Variants in RBM26 observed in about 807,000 individuals in gnomAD.
RBM26 encodes RNA binding motif protein 26, also known as RNA-binding protein 26.
A neutral mutation model predicts 123.6 loss-of-function variants in RBM26; 30 were observed. The observed-to-expected ratio is 0.24, with a 90% CI of 0.18 to 0.33. The LOEUF (loss-of-function observed/expected upper bound fraction) is 0.33. Among genes scored for constraint, RBM26 ranks in the 10% least tolerant of loss-of-function variants. The pLI is 1.00. For synonymous variants in RBM26, 400 were observed against 404.4 expected (o/e 0.99, Z 0.13); for missense variants, 947 against 1,203.6 (o/e 0.79, Z 3.15).
chr13:79,358,119 GTGA>G (rs2074251889), intron 11 of RBM26, among the ~76,000 whole-genome samples, 152 bp downstream of exon 11: 1 of 152,160 alleles, frequency 6.6e-6, no homozygotes, highest in Non-Finnish European at 1.5e-5. Flanking sequence ...CTCACCTCAG[GTGA>G]TCCGCCCGCC....
intron 20 of RBM26, among the ~76,000 whole-genome samples, chr13:79,325,178 G>A (rs190536204): frequency 7.9e-5 from 12 of 152,164 alleles, no homozygotes; most frequent in Admixed American, 7.9e-4. Flanking sequence ...GAATATGGTG[G>A]CAAACGACTG....
chr13:79,362,805 T>A (rs2074854617), intron 9 of RBM26, among the ~76,000 whole-genome samples: 1 of 152,210 alleles, frequency 6.6e-6, no homozygotes, highest in African/African-American at 2.4e-5. Context: ...TTGCTCCATC[T>A]CATCTGTATT....
Position 79,342,421 on chromosome 13 carries a change from C to T in RBM26, c.2427+243G>A, listed in dbSNP as rs975520359. Among the ~76,000 whole-genome samples the T allele has an allele frequency of 5.5e-4, 84 of 151,760 alleles. 1 individual carries two copies. The highest frequency in any genetic ancestry group is 5.4e-3 in the Admixed American group (82 of 15,236). On this transcript the variant is annotated intron_variant, in intron 17 of 21. Transcript: ENST00000438737. ...GTACCTATATCACTTTGTCCTCAAGCGGCCTTTTCAAGGTTACCCATGACT... is the reference window on the plus strand; with the variant it reads ...GTACCTATATCACTTTGTCCTCAAGTGGCCTTTTCAAGGTTACCCATGACT...
intron 18 of RBM26, among the ~76,000 whole-genome samples, chr13:79,339,848 T>C (rs1299472904): frequency 3.3e-5 from 5 of 152,134 alleles, no homozygotes; most frequent in Non-Finnish European, 7.4e-5. Flanking sequence ...TAACAACTAA[T>C]GGAATGACTG....
intron 16 of RBM26, among the ~76,000 whole-genome samples, chr13:79,343,066 T>C (rs567171248): frequency 1.3e-5 from 2 of 151,898 alleles, no homozygotes; most frequent in Admixed American, 6.6e-5. Flanking sequence ...TGTTACTATT[T>C]GGGTCTCTCA....
intron 20 of RBM26, among the ~76,000 whole-genome samples, chr13:79,326,696 C>A (rs9318622): frequency 0.02 from 2,986 of 152,180 alleles, 77 homozygotes; most frequent in African/African-American, 0.067. Context: ...TTTTAAAAAA[C>A]ATATTTCCAA....
At chr13:79,338,402 T>C (rs1390244900) in intron 18 of RBM26, among the ~76,000 whole-genome samples, 4 of 152,158 alleles carry the variant, frequency 2.6e-5, no homozygotes, top group East Asian at 1.9e-4. Context: ...AGCTGGTGGA[T>C]TGTATTTAAT....
intron 21 of RBM26, 136 bp from the exon 22 acceptor site, chr13:79,320,846 A>C (rs1026169405): frequency 6.7e-6 from 7 of 1,047,822 alleles, no homozygotes; most frequent in Non-Finnish European, 9.0e-6. Flanking sequence ...AACATTCACA[A>C]AACAAAGAAA....
intron 1 of RBM26, among the ~76,000 whole-genome samples, chr13:79,386,303 G>A (rs2077472483): frequency 6.6e-6 from 1 of 151,500 alleles, no homozygotes. Context: ...CAGATACATA[G>A]TTGGAAAAAC....
At chr13:79,339,020 G>C (rs1400770382) in intron 18 of RBM26, among the ~76,000 whole-genome samples, 1 of 152,156 alleles carries the variant, frequency 6.6e-6, no homozygotes, top group Non-Finnish European at 1.5e-5. Context: ...TACCCAAATG[G>C]AAGTGTGAAG....
rs192219607 is a variant in RBM26 at position 79,377,323 on chromosome 13, T to C, written c.327+56A>G. 36 of 1,477,948 alleles carry C rather than the reference T, an allele frequency of 2.4e-5. No homozygotes were observed. The Admixed American group carries it at 6.2e-4, about 25-fold the overall frequency. The allele number at this position is 1,477,948 out of a possible 1,614,324, so 91.6% of individuals were successfully genotyped here. On this transcript the variant is annotated intron_variant, in intron 3 of 21. Transcript: ENST00000438737. ...AGATATAGAAGATAAAAACTCAGTTTGGTTATTCCTCTTATGTGTTTAAAT... is the reference window on the plus strand; with the variant it reads ...AGATATAGAAGATAAAAACTCAGTTCGGTTATTCCTCTTATGTGTTTAAAT...
At chr13:79,363,365 A>T (rs981617725) in intron 9 of RBM26, among the ~76,000 whole-genome samples, 3 of 152,166 alleles carry the variant, frequency 2.0e-5, no homozygotes, top group African/African-American at 7.2e-5. Context: ...TTAAAATCCA[A>T]ACTGGGAATA....
At chr13:79,357,644 T>C (rs1414467002) in intron 11 of RBM26, among the ~76,000 whole-genome samples, 15 of 152,132 alleles carry the variant, frequency 9.9e-5, no homozygotes, top group Admixed American at 4.6e-4. Context: ...CATCCCACCA[T>C]AGGAGTGACA....
chr13:79,387,916 C>T (rs2077625403), intron 1 of RBM26, among the ~76,000 whole-genome samples: 1 of 152,168 alleles, frequency 6.6e-6, no homozygotes, highest in African/African-American at 2.4e-5. Context: ...TACATAGCAA[C>T]TACTGGTATG....
chr13:79,379,371 CA>C (rs1160901778), intron 1 of RBM26, among the ~76,000 whole-genome samples: 7,055 of 79,346 alleles, frequency 0.089, 238 homozygotes, highest in East Asian at 0.18. Context: ...CAGTCTCTAC[CA>C]AAAAAAAAAA....
At chr13:79,373,473 A>T (rs377437951) in intron 3 of RBM26, among the ~76,000 whole-genome samples, 308 of 1,314 alleles carry the variant, frequency 0.23, 16 homozygotes, top group African/African-American at 0.37. Flanking sequence ...AATATGTATA[A>T]ATATACAAAT....
intron 2 of RBM26, among the ~76,000 whole-genome samples, chr13:79,377,927 C>CAA (rs5805027): frequency 6.8e-6 from 1 of 148,120 alleles, no homozygotes; most frequent in Non-Finnish European, 1.5e-5. Flanking sequence ...GACTCCGTCT[C>CAA]AAAAAAAAAA....
At chr13:79,326,170 A>AACTTAGGTCT (rs2068382901) in intron 20 of RBM26, among the ~76,000 whole-genome samples, 1 of 152,232 alleles carries the variant, frequency 6.6e-6, no homozygotes, top group Non-Finnish European at 1.5e-5. Flanking sequence ...ATGATTGTAT[A>AACTTAGGTCT]AACTTAGGTC....
intron 7 of RBM26, among the ~76,000 whole-genome samples, 192 bp downstream of exon 7, chr13:79,366,441 T>A (rs1322585071): frequency 2.0e-5 from 3 of 152,158 alleles, no homozygotes. Flanking sequence ...ACAGGGTCAC[T>A]CCAAACCATA....
Sources: gnomAD v4.1 joint callset for allele counts (sites outside exome capture counted in the v4.1 genomes callset) on GRCh38, gnomAD v4.1.1 for gene constraint, MANE v1.5 for transcripts, NCBI Gene and HGNC (gene_info 2026-07-23, HGNC 2026-07-21) for gene names.